The following LDLRAD3 variants were observed in gnomAD, a reference collection of about 807,000 sequenced individuals.
The protein encoded by LDLRAD3 is low density lipoprotein receptor class A domain containing 3, also known as low-density lipoprotein receptor class A domain-containing protein 3.
A neutral mutation model predicts 29.4 loss-of-function variants in LDLRAD3; 20 were observed. The ratio of observed to expected loss-of-function variants is 0.68; its 90% CI spans 0.48 to 0.99. The LOEUF is 0.99. LDLRAD3 is among the 50% of genes least tolerant of loss of function. The pLI, the probability that LDLRAD3 is intolerant of heterozygous loss-of-function variation, is 0.00. For synonymous variants in LDLRAD3, 157 were observed against 192.7 expected, an observed-to-expected ratio of 0.81 and a Z score of 1.53; for missense variants, 420 against 454.3, an observed-to-expected ratio of 0.92 and a Z score of 0.69.
chr11:36,222,132 T>A (rs59051429), intron 4 of LDLRAD3, among the ~76,000 whole-genome samples: 2 of 152,258 alleles, frequency 1.3e-5, no homozygotes, highest in East Asian at 3.9e-4. Flanking sequence ...CATAGTGGCA[T>A]GGTCATAGCT....
intron 3 of LDLRAD3, among the ~76,000 whole-genome samples, chr11:36,092,530 C>G (rs1853299097): frequency 6.6e-6 from 1 of 152,198 alleles, no homozygotes; most frequent in South Asian, 2.1e-4. Context: ...CTTCCCCCTG[C>G]TCACCCTTCC....
At chr11:36,091,025 C>G (rs1909494) in intron 3 of LDLRAD3, among the ~76,000 whole-genome samples, 149,529 of 152,290 alleles carry the variant, frequency 0.98, 73,477 homozygotes, top group Middle Eastern at 1. Context: ...CAGGGAGACT[C>G]CTTCAGTGGG....
At chr11:36,084,985 G>A (rs1853174062) in intron 3 of LDLRAD3, among the ~76,000 whole-genome samples, 1 of 152,156 alleles carries the variant, frequency 6.6e-6, no homozygotes, top group Non-Finnish European at 1.5e-5. Flanking sequence ...ATTTTGAAGA[G>A]TTCCAAAGGT....
chr11:35,944,438 C>G lies in LDLRAD3; in HGVS notation c.46+294C>G, dbSNP rs1396503169. ...GAGCCCGGCGGCTGCCCCGATTGGGCGTAGCTCGAGTGTGGCTGTGTGTGT... is the reference window on the plus strand; with the variant it reads ...GAGCCCGGCGGCTGCCCCGATTGGGGGTAGCTCGAGTGTGGCTGTGTGTGT... On this transcript the variant is annotated intron_variant, in intron 1 of 5. Transcript: ENST00000315571. The surrounding 1 kb of genome is among the most constrained non-coding windows in gnomAD (Gnocchi z 4.9). Among the ~76,000 whole-genome samples, 1 of 151,978 alleles carries G rather than the reference C, an allele frequency of 6.6e-6. No individual in the cohort carries two copies. Among genetic ancestry groups the G allele is most frequent in the Non-Finnish European group, 1.5e-5 (1 of 67,964 alleles).
intron 4 of LDLRAD3, among the ~76,000 whole-genome samples, chr11:36,126,943 G>A (rs1853846828): frequency 1.3e-5 from 2 of 152,200 alleles, no homozygotes; most frequent in Admixed American, 1.3e-4. Context: ...ACAAAATTGT[G>A]CAGAATCAGC....
intron 4 of LDLRAD3, among the ~76,000 whole-genome samples, chr11:36,180,670 G>A (rs547942709): frequency 2.0e-5 from 3 of 152,176 alleles, no homozygotes; most frequent in Admixed American, 2.0e-4. Flanking sequence ...GGATCATCTG[G>A]CTGCTGTGTT....
chr11:36,152,365 A>G (rs866663495), intron 4 of LDLRAD3, among the ~76,000 whole-genome samples: 1 of 152,240 alleles, frequency 6.6e-6, no homozygotes, highest in Non-Finnish European at 1.5e-5. Context: ...CTCATTTTAC[A>G]GATGAGAAAA....
At chr11:36,161,857 A>G (rs758155872) in intron 4 of LDLRAD3, among the ~76,000 whole-genome samples, 1 of 152,190 alleles carries the variant, frequency 6.6e-6, no homozygotes, top group Non-Finnish European at 1.5e-5. Context: ...TTAATGCTTC[A>G]TGGGTGTTCA....
intron 4 of LDLRAD3, among the ~76,000 whole-genome samples, chr11:36,214,814 A>G (rs1265976233): frequency 6.6e-6 from 1 of 152,200 alleles, no homozygotes; most frequent in Non-Finnish European, 1.5e-5. Flanking sequence ...CTCATAGGAA[A>G]GATGCACAAG....
chr11:35,954,675 AC>A (rs1851179778), intron 1 of LDLRAD3, among the ~76,000 whole-genome samples: 1 of 152,228 alleles, frequency 6.6e-6, no homozygotes, highest in Non-Finnish European at 1.5e-5. Context: ...GGAGTTTAGA[AC>A]AGTCTCATTG....
intron 4 of LDLRAD3, among the ~76,000 whole-genome samples, chr11:36,191,601 C>CAT (rs1565292109): frequency 4.5e-5 from 4 of 89,228 alleles, no homozygotes; most frequent in Non-Finnish European, 8.4e-5. Flanking sequence ...TATATATATA[C>CAT]ACACACACAC....
intron 1 of LDLRAD3, among the ~76,000 whole-genome samples, chr11:36,026,856 A>G (rs757419223): frequency 1.3e-5 from 2 of 152,232 alleles, no homozygotes; most frequent in Non-Finnish European, 2.9e-5. Flanking sequence ...AAACTTATGA[A>G]TAATCCACCC....
intron 4 of LDLRAD3, among the ~76,000 whole-genome samples, chr11:36,126,067 C>T (rs1347242220): frequency 1.3e-5 from 2 of 152,202 alleles, no homozygotes; most frequent in Non-Finnish European, 2.9e-5. Context: ...CCCCACCCTT[C>T]ACGTACAGTG....
intron 1 of LDLRAD3, chr11:35,968,514 C>A: frequency 6.0e-6 from 2 of 331,688 alleles, no homozygotes; most frequent in South Asian, 3.4e-5. Flanking sequence ...GTGTTGAGTT[C>A]ATGCACGTTA....
intron 3 of LDLRAD3, among the ~76,000 whole-genome samples, chr11:36,082,442 A>AC (rs1853129564): frequency 6.6e-6 from 1 of 152,220 alleles, no homozygotes; most frequent in Non-Finnish European, 1.5e-5. Flanking sequence ...TGGGAGGTCA[A>AC]GGCTGCAGTG....
chr11:36,032,635 T>G (rs1852249705), intron 1 of LDLRAD3, among the ~76,000 whole-genome samples: 1 of 152,140 alleles, frequency 6.6e-6, no homozygotes, highest in Non-Finnish European at 1.5e-5. Flanking sequence ...CTCTGCCCAT[T>G]AGACGCCAAT....
chr11:35,971,242 G>C (rs1446879705), intron 1 of LDLRAD3, among the ~76,000 whole-genome samples: 3 of 152,140 alleles, frequency 2.0e-5, no homozygotes, highest in African/African-American at 7.2e-5. Context: ...TTTTGGAAAG[G>C]ATATTATTTC....
In LDLRAD3 at chr11:36,032,257, A is replaced by C. The variant is rs1386587245; in HGVS notation, c.47-3846A>C. Among the ~76,000 whole-genome samples the C allele has an allele frequency of 2.0e-5, 3 of 152,328 alleles. No individual in the cohort carries two copies. In the East Asian group the frequency reaches 5.8e-4, roughly 29 times the overall value. On this transcript the variant is annotated intron_variant, in intron 1 of 5. Coordinates refer to ENST00000315571, the MANE Select transcript of LDLRAD3 (RefSeq NM_174902.4). ...TGTTACACAGATGAAAGGTAGGTGG[A>C]AGAATGTCCGGGGTCAGCAAACAGC...
rs192546733 is a variant in LDLRAD3 at position 36,035,402 on chromosome 11, C to G, written c.47-701C>G. Among the ~76,000 whole-genome samples, 97 of 152,190 alleles carry G rather than the reference C, an allele frequency of 6.4e-4. 1 individual carries two copies. In the Middle Eastern group the frequency reaches 0.01, roughly 16 times the overall value. ...CTTTCTAGCCTGAGGGTTGGCTGTT[C>G]GGGTTGGGGGCTTTGGCACTTTATG... On this transcript the variant is annotated intron_variant, in intron 1 of 5. Coordinates refer to ENST00000315571, the MANE Select transcript of LDLRAD3 (RefSeq NM_174902.4).
Sources: allele counts gnomAD v4.1 joint callset (sites outside exome capture counted in the v4.1 genomes callset), GRCh38; gene constraint gnomAD v4.1.1; non-coding constraint Gnocchi (gnomAD v3.1); transcripts MANE v1.5; gene names NCBI Gene and HGNC (gene_info 2026-07-23, HGNC 2026-07-21).